TTC7B: variants seen among roughly 807,000 people sequenced by gnomAD.
The protein encoded by TTC7B is tetratricopeptide repeat domain 7B, also known as tetratricopeptide repeat protein 7B.
A neutral mutation model predicts 106.8 loss-of-function variants in TTC7B; 28 were observed. The ratio of observed to expected loss-of-function variants is 0.26; its 90% CI spans 0.19 to 0.36. The LOEUF (loss-of-function observed/expected upper bound fraction) is 0.36. Among genes scored for constraint, TTC7B ranks in the 10% least tolerant of loss-of-function variants. TTC7B has a pLI of 1.00. For synonymous variants in TTC7B, 405 were observed against 430.6 expected (o/e 0.94, Z 0.74); for missense variants, 862 against 1,076.4 (o/e 0.80, Z 2.79).
In TTC7B at chr14:90,658,171, G is replaced by A. The variant is rs182968265; in HGVS notation, c.1236+133C>T. On this transcript the variant is annotated intron_variant, in intron 10 of 19. Transcript: ENST00000328459. The stretch of plus-strand genomic sequence containing the variant: ...TTAAATCTGATTGTTCACTGAGAAC[G>A]GACCACGATAGTTTCTCAGAGTGGC... The A allele has an allele frequency of 2.8e-5, 21 of 748,636 alleles. No individual in the cohort carries two copies. The Admixed American group carries it at 4.1e-4, about 14-fold the overall frequency. 46.4% of individuals were successfully genotyped at this position (748,636 alleles called of 1,614,324 possible).
At position 90,757,035 on chromosome 14, in the gene TTC7B, TG is replaced by T. The variant is rs2140012743; in HGVS notation, c.446-12114del. ...CGCCCACCATGAGCAGAATCCAGAA[TG>T]GGAAGAGGCAGAAGAGATCATGGAG... On this transcript the variant is annotated intron_variant, in intron 3 of 19. Coordinates refer to ENST00000328459, the MANE Select transcript of TTC7B (RefSeq NM_001010854.2). This position sits in a 1 kb window ranked among gnomAD's most constrained non-coding sequence, Gnocchi z 4.1. Among the ~76,000 whole-genome samples, 1 of 151,774 alleles carries T rather than the reference TG, an allele frequency of 6.6e-6. No individual in the cohort carries two copies. Among genetic ancestry groups the T allele is most frequent in the African/African-American group, 2.4e-5 (1 of 41,360 alleles).
At chr14:90,712,146 A>G (rs1702513930) in intron 5 of TTC7B, among the ~76,000 whole-genome samples, 1 of 152,212 alleles carries the variant, frequency 6.6e-6, no homozygotes, top group Non-Finnish European at 1.5e-5. Context: ...AAAGAATATT[A>G]CTAGAGACAA....
intron 17 of TTC7B, chr14:90,603,217 C>A (rs1185502653): frequency 8.0e-7 from 1 of 1,245,944 alleles, no homozygotes. Context: ...ATTCTGGAGG[C>A]CCTCGGAAGG....
chr14:90,595,238 CAGG>C (rs1358873182), intron 17 of TTC7B, among the ~76,000 whole-genome samples: 1 of 152,120 alleles, frequency 6.6e-6, no homozygotes, highest in African/African-American at 2.4e-5. Context: ...GAGGCTGAGG[CAGG>C]AGAATTGCTT....
intron 5 of TTC7B, among the ~76,000 whole-genome samples, chr14:90,714,447 A>G (rs868767051): frequency 1.4e-5 from 2 of 141,388 alleles, no homozygotes; most frequent in African/African-American, 2.7e-5. Flanking sequence ...ATGATTGCAC[A>G]GCTGTATAAA....
At chr14:90,784,470 TG>T (rs1345547731) in intron 2 of TTC7B, among the ~76,000 whole-genome samples, 6 of 151,442 alleles carry the variant, frequency 4.0e-5, no homozygotes, top group Non-Finnish European at 8.8e-5. Context: ...GGCAGGAGAA[TG>T]GCATGAGCGC....
chr14:90,772,257 G>C (rs1340417814), intron 3 of TTC7B, among the ~76,000 whole-genome samples: 2 of 151,972 alleles, frequency 1.3e-5, no homozygotes, highest in African/African-American at 4.8e-5. Flanking sequence ...AAATCATTAA[G>C]AACAGGCACA....
intron 16 of TTC7B, among the ~76,000 whole-genome samples, chr14:90,616,258 C>T (rs973162108): frequency 3.3e-5 from 5 of 152,146 alleles, no homozygotes; most frequent in South Asian, 4.1e-4. Context: ...GCAGACTCCC[C>T]CAAATCCTGA....
Position 90,644,000 on chromosome 14 carries a change from A to G in TTC7B, c.1751+48T>C, listed in dbSNP as rs542398436. On this transcript the variant is annotated intron_variant, in intron 15 of 19. Coordinates refer to ENST00000328459, the MANE Select transcript of TTC7B (RefSeq NM_001010854.2). ...GGAAAGAAGGCAGGGGAAGAAGTAA[A>G]TTTAATAACTTCTGAGTAAGGGAAA... 60 of 1,608,312 alleles carry G rather than the reference A, an allele frequency of 3.7e-5. No homozygotes were observed. In the East Asian group the frequency reaches 8.9e-4, roughly 24 times the overall value.
At chr14:90,647,113 T>TAG (rs1372222663) in intron 13 of TTC7B, 90 bp from the exon 14 acceptor site, 1 of 1,081,312 alleles carries the variant, frequency 9.2e-7, no homozygotes, top group Non-Finnish European at 1.4e-6. Flanking sequence ...TTTGCATTCT[T>TAG]ATACTAAGGG....
chr14:90,701,882 G>A (rs866937712), intron 5 of TTC7B, among the ~76,000 whole-genome samples: 1 of 151,120 alleles, frequency 6.6e-6, no homozygotes. Context: ...CACAGTGAAC[G>A]CAATGGTAAG....
intron 1 of TTC7B, among the ~76,000 whole-genome samples, chr14:90,799,406 C>T (rs1326539316): frequency 6.6e-6 from 1 of 152,194 alleles, no homozygotes; most frequent in East Asian, 1.9e-4. Flanking sequence ...AAGGACCTTA[C>T]ACTCTAGACA....
intron 6 of TTC7B, among the ~76,000 whole-genome samples, chr14:90,693,159 T>C (rs1241060847): frequency 1.3e-5 from 2 of 152,096 alleles, no homozygotes; most frequent in Non-Finnish European, 2.9e-5. Flanking sequence ...AAAGATAAAT[T>C]GCAATCTTAC....
chr14:90,612,460 C>A (rs372272474), intron 16 of TTC7B, among the ~76,000 whole-genome samples: 4 of 152,168 alleles, frequency 2.6e-5, no homozygotes, highest in African/African-American at 9.7e-5. Flanking sequence ...TTATTCACCA[C>A]CTTGGGGATT....
intron 3 of TTC7B, among the ~76,000 whole-genome samples, chr14:90,767,453 C>T (rs557801151): frequency 3.9e-5 from 6 of 152,118 alleles, no homozygotes; most frequent in African/African-American, 1.2e-4. Context: ...GGTGACCATA[C>T]CATGAAGACA....
intron 3 of TTC7B, 146 bp downstream of exon 3, chr14:90,780,592 G>T: frequency 1.2e-6 from 1 of 859,512 alleles, no homozygotes; most frequent in Non-Finnish European, 1.8e-6. Flanking sequence ...GCATGACCCA[G>T]CATGTGCTGC....
At chr14:90,581,434 G>T (rs1396055293) in intron 18 of TTC7B, among the ~76,000 whole-genome samples, 1 of 152,212 alleles carries the variant, frequency 6.6e-6, no homozygotes, top group African/African-American at 2.4e-5. Flanking sequence ...GCTGTCTGAT[G>T]CCTTTCAGTA....
At chr14:90,644,285 G>GAAAGAAGCCATCTTTTCA in intron 14 of TTC7B, 77 bp from the exon 15 acceptor site, 1 of 1,028,654 alleles carries the variant, frequency 9.7e-7, no homozygotes, top group Non-Finnish European at 1.3e-6. Context: ...ACACACGCGC[G>GAAAGAAGCCATCTTTTCA]AAAGAAGCCA....
intron 3 of TTC7B, among the ~76,000 whole-genome samples, chr14:90,769,930 T>C (rs893146666): frequency 2.6e-5 from 4 of 152,020 alleles, no homozygotes; most frequent in African/African-American, 9.7e-5. Flanking sequence ...AGGAGAGTCA[T>C]TTGATACGAG....
Sources: gnomAD v4.1 joint callset for allele counts (sites outside exome capture counted in the v4.1 genomes callset) on GRCh38, gnomAD v4.1.1 for gene constraint, Gnocchi (gnomAD v3.1) non-coding constraint, MANE v1.5 for transcripts, NCBI Gene and HGNC (gene_info 2026-07-23, HGNC 2026-07-21) for gene names.